Variants in DYM observed in about 807,000 individuals in gnomAD.
DYM encodes the protein dymeclin.
Under a neutral mutation model 93.1 loss-of-function variants are expected in DYM, and 78 were observed. The observed-to-expected ratio is 0.84, with a 90% CI of 0.70 to 1.01. The LOEUF is 1.01. Ranked by LOEUF, DYM falls within the 50% of genes least tolerant of loss-of-function variation. DYM has a pLI of 0.00. For synonymous variants in DYM, 321 were observed against 319.7 expected (o/e 1.00, Z -0.04); for missense variants, 789 against 845.0 (o/e 0.93, Z 0.82).
chr18:49,288,926 A>G (rs551896210), intron 8 of DYM, among the ~76,000 whole-genome samples: 2 of 152,336 alleles, frequency 1.3e-5, no homozygotes, highest in East Asian at 3.9e-4. Flanking sequence ...TCTACATGAA[A>G]AAAATACATA....
chr18:49,432,543 T>G lies in DYM; in HGVS notation c.-53-2096A>C, dbSNP rs1037374443. Among the ~76,000 whole-genome samples the G allele has an allele frequency of 2.7e-5, 4 of 150,866 alleles. No individual in the cohort carries two copies. In the Admixed American group the frequency reaches 2.7e-4, roughly 10 times the overall value. ...ATATGGTATGCTTTCATTTATAAGA[T>G]TTTAAAACTGGCAAAAAATATTATG... On this transcript the variant is annotated intron_variant, in intron 1 of 17. Coordinates refer to ENST00000675505, the MANE Select transcript of DYM (RefSeq NM_001353214.3).
At chr18:49,300,436 C>T (rs2060852125) in intron 8 of DYM, among the ~76,000 whole-genome samples, 1 of 151,818 alleles carries the variant, frequency 6.6e-6, no homozygotes, top group African/African-American at 2.4e-5. Context: ...CTCATCTCTA[C>T]TAAAACACTA....
In DYM at chr18:49,067,180, T is replaced by C. The variant is rs1599483203; in HGVS notation, c.2026-22976A>G. On this transcript the variant is annotated intron_variant, in intron 17 of 17. Coordinates refer to ENST00000675505, the MANE Select transcript of DYM (RefSeq NM_001353214.3). Reference sequence around the variant, plus strand: ...TGGGGTGATGTGAGCACTATGGAGGTTCAGTAGAGGAAGGAGTGGGGTGAT... The same window carrying C: ...TGGGGTGATGTGAGCACTATGGAGGCTCAGTAGAGGAAGGAGTGGGGTGAT... 1.5e-4 allele frequency among the ~76,000 whole-genome samples: 14 copies of C among 90,388 alleles called. No individual in the cohort carries two copies. In the South Asian group the frequency reaches 5.2e-3, roughly 33 times the overall value. The allele number at this position is 90,388 out of a possible 152,430, so 59.3% of individuals were successfully genotyped here.
intron 8 of DYM, among the ~76,000 whole-genome samples, chr18:49,290,125 G>C (rs939603320): frequency 9.9e-5 from 15 of 151,392 alleles, no homozygotes; most frequent in African/African-American, 3.4e-4. Context: ...GCATGTATAG[G>C]AATGTTTACT....
chr18:49,050,477 GT>G (rs1366433348), intron 17 of DYM, among the ~76,000 whole-genome samples: 1 of 152,138 alleles, frequency 6.6e-6, no homozygotes, highest in African/African-American at 2.4e-5. Context: ...CTATGAAGGG[GT>G]AACTTCTGCA....
intron 15 of DYM, among the ~76,000 whole-genome samples, chr18:49,139,100 A>G (rs905109321): frequency 6.6e-6 from 1 of 152,184 alleles, no homozygotes; most frequent in Non-Finnish European, 1.5e-5. Flanking sequence ...GATTTCAAAA[A>G]TTTATTGTAC....
Position 49,337,142 on chromosome 18 carries a change from T to C in DYM, c.495-3289A>G, listed in dbSNP as rs750250411. Among the ~76,000 whole-genome samples the C allele has an allele frequency of 9.2e-5, 14 of 152,306 alleles. No individual in the cohort carries two copies. In the East Asian group the frequency reaches 2.1e-3, roughly 23 times the overall value. On this transcript the variant is annotated intron_variant, in intron 6 of 17. Transcript: ENST00000675505. Reference sequence around the variant, plus strand: ...CGTACAAGGCATATATAACTTAGGATAGCAAAGAGGAAGAAGAATGCTGAG... The same window carrying C: ...CGTACAAGGCATATATAACTTAGGACAGCAAAGAGGAAGAAGAATGCTGAG...
chr18:49,381,155 C>T (rs1321402270), intron 3 of DYM, among the ~76,000 whole-genome samples: 1 of 152,068 alleles, frequency 6.6e-6, no homozygotes, highest in African/African-American at 2.4e-5. Flanking sequence ...CACCACCATG[C>T]CCAGCTAATT....
chr18:49,123,946 G>T lies in DYM; in HGVS notation c.1729-5020C>A, dbSNP rs191955974. 5.9e-5 allele frequency among the ~76,000 whole-genome samples: 9 copies of T among 152,224 alleles called. No individual in the cohort carries two copies. The East Asian group carries it at 1.7e-3, about 29-fold the overall frequency. ...CAAGTCAAAATATTAGCTTTCTGTAGAATTTTATGTTCATGTATATTTTAT... is the reference window on the plus strand; with the variant it reads ...CAAGTCAAAATATTAGCTTTCTGTATAATTTTATGTTCATGTATATTTTAT... On this transcript the variant is annotated intron_variant, in intron 15 of 17. Transcript: ENST00000675505.
chr18:49,358,803 A>T (rs577767532), intron 6 of DYM, among the ~76,000 whole-genome samples: 1 of 152,168 alleles, frequency 6.6e-6, no homozygotes, highest in Non-Finnish European at 1.5e-5. Context: ...TGACATCCTC[A>T]TGTACAACTA....
At chr18:49,376,219 G>A (rs973550832) in intron 5 of DYM, among the ~76,000 whole-genome samples, 2 of 152,094 alleles carry the variant, frequency 1.3e-5, no homozygotes, top group African/African-American at 2.4e-5. Flanking sequence ...AAGAAAAGTA[G>A]AACATATGAT....
intron 1 of DYM, among the ~76,000 whole-genome samples, chr18:49,443,375 A>G (rs1383817446): frequency 1.3e-5 from 2 of 152,164 alleles, no homozygotes; most frequent in Admixed American, 1.3e-4. Context: ...TCAGTGCACC[A>G]CAAATCTCAA....
At chr18:49,074,397 T>C (rs571629580) in intron 17 of DYM, among the ~76,000 whole-genome samples, 3 of 152,346 alleles carry the variant, frequency 2.0e-5, no homozygotes, top group South Asian at 2.1e-4. Context: ...TTTTATATTA[T>C]GGACTTGAGC....
At chr18:49,364,266 G>A (rs559920754) in intron 5 of DYM, among the ~76,000 whole-genome samples, 12 of 152,248 alleles carry the variant, frequency 7.9e-5, no homozygotes, top group African/African-American at 2.4e-4. Context: ...CCAACATGGT[G>A]AAACCCCACC....
intron 2 of DYM, among the ~76,000 whole-genome samples, chr18:49,403,555 A>C (rs542415329): frequency 6.6e-6 from 1 of 152,348 alleles, no homozygotes; most frequent in East Asian, 1.9e-4. Context: ...TGGCAGAACA[A>C]AGACTTTTTT....
chr18:49,038,940 A>G lies in DYM; in HGVS notation c.*5115T>C, dbSNP rs2070804608. On this transcript the variant is annotated 3_prime_UTR_variant, in exon 18 of 18. Transcript: ENST00000675505. ...TCATTTTCATACATTTTATTTCTCT[A>G]TATATTTAAAACTCCATAAGACATA... Among the ~76,000 whole-genome samples, 1 of 152,200 alleles carries G rather than the reference A, an allele frequency of 6.6e-6. No homozygotes were observed. Among genetic ancestry groups the G allele is most frequent in the Admixed American group, 6.5e-5 (1 of 15,286 alleles).
At chr18:49,217,535 A>G (rs2093131014) in intron 13 of DYM, among the ~76,000 whole-genome samples, 1 of 152,256 alleles carries the variant, frequency 6.6e-6, no homozygotes, top group African/African-American at 2.4e-5. Flanking sequence ...AGGGAAGCCC[A>G]TCAGACTAAC....
intron 2 of DYM, among the ~76,000 whole-genome samples, chr18:49,400,448 T>C (rs1018217332): frequency 9.2e-5 from 14 of 152,028 alleles, no homozygotes; most frequent in Non-Finnish European, 1.8e-4. Flanking sequence ...CAATCAACAC[T>C]TTAGAGCAGA....
In DYM at chr18:49,286,509, A is replaced by G. The variant is rs140133483; in HGVS notation, c.871T>C (p.Leu291=). 1.2e-5 allele frequency: 19 copies of G among 1,614,044 alleles called. No individual in the cohort carries two copies. The highest frequency in any genetic ancestry group is 1.6e-5 in the Non-Finnish European group (19 of 1,180,014). ...ANQSLLLLLV[L]ANLTDASDAP... Reference sequence around the variant, plus strand: ...TCTGAGGCATCTGTCAGATTGGCCAACACCAGCAGAAGCAGGAGACTCTGG... The same window carrying G: ...TCTGAGGCATCTGTCAGATTGGCCAGCACCAGCAGAAGCAGGAGACTCTGG... The change falls in exon 9 of 18, where the codon TTG becomes CTG. Residue 291 remains leucine (L), a synonymous_variant. Transcript: ENST00000675505.
Sources: allele counts gnomAD v4.1 joint callset (sites outside exome capture counted in the v4.1 genomes callset), GRCh38; gene constraint gnomAD v4.1.1; transcripts MANE v1.5; gene names NCBI Gene and HGNC (gene_info 2026-07-23, HGNC 2026-07-21).